The following PPP2R1B variants were observed in gnomAD, a reference collection of about 807,000 sequenced individuals.
PPP2R1B encodes the protein serine/threonine-protein phosphatase 2A 65 kDa regulatory subunit A beta isoform.
PPP2R1B carries 58 observed loss-of-function variants against 72.7 expected under a neutral mutation model. That is an observed-to-expected ratio of 0.80 (90% CI 0.65 to 0.99). PPP2R1B has a LOEUF of 0.99. PPP2R1B is among the 50% of genes least tolerant of loss of function. The probability of loss-of-function intolerance (pLI) is 0.00; values close to 1 mark genes in which losing one functional copy is unlikely to be tolerated. For synonymous variants in PPP2R1B, 256 were observed against 264.6 expected, an observed-to-expected ratio of 0.97 and a Z score of 0.32; for missense variants, 695 against 733.6, an observed-to-expected ratio of 0.95 and a Z score of 0.61.
At chr11:111,759,582 C>T (rs1423182660) in intron 5 of PPP2R1B, among the ~76,000 whole-genome samples, 4 of 152,144 alleles carry the variant, frequency 2.6e-5, no homozygotes, top group African/African-American at 4.8e-5. Flanking sequence ...CTCTGACTCC[C>T]CACTCTTTTA....
At chr11:111,744,731 T>G (rs1944644202) in intron 11 of PPP2R1B, among the ~76,000 whole-genome samples, 1 of 152,146 alleles carries the variant, frequency 6.6e-6, no homozygotes, top group Non-Finnish European at 1.5e-5. Flanking sequence ...TCCTAGGCAA[T>G]TTATACAAGC....
downstream of PPP2R1B, among the ~76,000 whole-genome samples, chr11:111,722,331 G>A (rs961354683): frequency 2.6e-5 from 4 of 152,248 alleles, no homozygotes; most frequent in South Asian, 2.1e-4. This position sits in a 1 kb window ranked among gnomAD's most constrained non-coding sequence, Gnocchi z 4.4. Context: ...CATAGATCCC[G>A]TAAAGGATGA....
In PPP2R1B at chr11:111,742,078, T is replaced by C; in HGVS notation, c.1764A>G (p.Lys588=). Residue 588 remains lysine (K), a synonymous_variant, in exon 14 of 15, where the codon AAA becomes AAG. Coordinates refer to ENST00000527614, the MANE Select transcript of PPP2R1B (RefSeq NM_002716.5). ...KLGQDEDMDV[K]YFAQEAISVL... ...CACTTATAGCTTCCTGTGCAAAGTA[T>C]TTGACATCCATGTCTTCATCTTGAC... 1 of 1,613,856 alleles carries C rather than the reference T, an allele frequency of 6.2e-7. No homozygotes were observed. Among genetic ancestry groups the C allele is most frequent in the Non-Finnish European group, 8.5e-7 (1 of 1,179,748 alleles).
Position 111,740,449 on chromosome 11 carries a change from A to C in PPP2R1B, c.*1147T>G. The C allele has an allele frequency of 1.0e-6, 1 of 979,434 alleles. No individual in the cohort carries two copies. Among genetic ancestry groups the C allele is most frequent in the Non-Finnish European group, 1.2e-6 (1 of 824,610 alleles). 60.7% of individuals were successfully genotyped at this position (979,434 alleles called of 1,614,324 possible). On this transcript the variant is annotated 3_prime_UTR_variant, in exon 15 of 15. Coordinates refer to ENST00000527614, the MANE Select transcript of PPP2R1B (RefSeq NM_002716.5). ...TGGTCAGGCTGATCTCGAATTCTTG[A>C]CCTCAAATGATCCCAAATAGGTGCT...
downstream of PPP2R1B, among the ~76,000 whole-genome samples, chr11:111,723,104 C>T (rs1943854410): frequency 6.6e-6 from 1 of 152,204 alleles, no homozygotes; most frequent in East Asian, 1.9e-4. Context: ...TGTGTGCCCA[C>T]AGCCTCGCTA....
intron 3 of PPP2R1B, among the ~76,000 whole-genome samples, chr11:111,763,353 T>C (rs1318680592): frequency 6.6e-6 from 1 of 152,320 alleles, no homozygotes; most frequent in East Asian, 1.9e-4. Flanking sequence ...CCACTGGGCA[T>C]ATGATAATCC....
intron 4 of PPP2R1B, among the ~76,000 whole-genome samples, chr11:111,760,227 T>C (rs1028511442): frequency 3.3e-5 from 5 of 152,178 alleles, no homozygotes; most frequent in South Asian, 4.1e-4. Context: ...CTGGGCAACA[T>C]AGCAAGACCC....
chr11:111,705,616 A>G, the PPP2R1B span, among the ~76,000 whole-genome samples: 1 of 152,158 alleles, frequency 6.6e-6, no homozygotes. This position sits in a 1 kb window ranked among gnomAD's most constrained non-coding sequence, Gnocchi z 4.3. Context: ...ACATCTGAAC[A>G]GGGGGAATGG....
chr11:111,720,654 A>G, the PPP2R1B span: 7 of 1,613,898 alleles, frequency 4.3e-6, no homozygotes, highest in South Asian at 5.5e-5. Context: ...CCTGAGACCT[A>G]CCAACCCAGC....
At position 111,741,434 on chromosome 11, in the gene PPP2R1B, C is replaced by G; in HGVS notation, c.*162G>C. 19 of 1,429,538 alleles carry G rather than the reference C, an allele frequency of 1.3e-5. No homozygotes were observed. Among genetic ancestry groups the G allele is most frequent in the Non-Finnish European group, 1.7e-5 (19 of 1,093,852 alleles). 88.6% of individuals were successfully genotyped at this position (1,429,538 alleles called of 1,614,324 possible). ...CGAGTAAAAAACAATCCCATTTCAT[C>G]TTTAGAAAGAATTAAGTCACTAAAT... On this transcript the variant is annotated 3_prime_UTR_variant, in exon 15 of 15. Coordinates refer to ENST00000527614, the MANE Select transcript of PPP2R1B (RefSeq NM_002716.5).
chr11:111,736,157 G>A (rs1944334172), downstream of PPP2R1B, among the ~76,000 whole-genome samples: 1 of 152,164 alleles, frequency 6.6e-6, no homozygotes, highest in Non-Finnish European at 1.5e-5. Context: ...TAGGGTGGGT[G>A]AGGATGACAT....
downstream of PPP2R1B, chr11:111,723,857 G>A (rs1483395886): frequency 2.5e-6 from 4 of 1,613,312 alleles, no homozygotes; most frequent in South Asian, 2.2e-5. Context: ...ACAGCCAGGA[G>A]CTGCCCCAGC....
the PPP2R1B span, chr11:111,703,486 C>CA: frequency 6.9e-7 from 1 of 1,441,524 alleles, no homozygotes; most frequent in Admixed American, 1.7e-5. Context: ...CATGCTCACA[C>CA]CTGTCATCCT....
At chr11:111,707,135 T>G in the PPP2R1B span, among the ~76,000 whole-genome samples, 1 of 152,100 alleles carries the variant, frequency 6.6e-6, no homozygotes, top group Non-Finnish European at 1.5e-5. Flanking sequence ...TAAGACGTAG[T>G]GGAACTCTTT....
rs781956692 is a variant in PPP2R1B, at chr11:111,752,317, A to C, written c.1180T>G (p.Leu394Val). The change falls in exon 10 of 15, where the codon TTG becomes GTG. Residue 394 changes from leucine (L) to valine (V), a missense_variant. By Grantham distance (32) the Leu-to-Val change is conservative (BLOSUM62 1). Transcript: ENST00000527614. ...QLKDECPDVR[L>V]NIISNLDCVN... is the part of the protein sequence containing the mutation. Reference sequence around the variant, plus strand: ...CAATCCAAATTGGAGATGATATTCAAACGAACGTCAGGACACTGCAAGTAC... The same window carrying C: ...CAATCCAAATTGGAGATGATATTCACACGAACGTCAGGACACTGCAAGTAC... 3 of 1,611,924 alleles carry C rather than the reference A, an allele frequency of 1.9e-6. No individual in the cohort carries two copies. Among genetic ancestry groups the C allele is most frequent in the Non-Finnish European group, 2.5e-6 (3 of 1,178,912 alleles).
exon 16 of PPP2R1B, chr11:111,727,051 C>T (rs1400559300): frequency 1.9e-6 from 3 of 1,613,924 alleles, no homozygotes; most frequent in Non-Finnish European, 2.5e-6. Context: ...AACTGATACA[C>T]TGGTCCCTGT....
At chr11:111,697,298 G>T in the PPP2R1B span, among the ~76,000 whole-genome samples, 1 of 152,146 alleles carries the variant, frequency 6.6e-6, no homozygotes, top group Non-Finnish European at 1.5e-5. Context: ...TTTAAGAGGT[G>T]GGAACAACAT....
chr11:111,766,027 G>C, intron 1 of PPP2R1B: 1 of 584,406 alleles, frequency 1.7e-6, no homozygotes, highest in Non-Finnish European at 3.1e-6. Flanking sequence ...CCGGGCGGAC[G>C]CCTCAGGGGG....
At chr11:111,712,499 T>C in the PPP2R1B span, 1 of 1,020,916 alleles carries the variant, frequency 9.8e-7, no homozygotes, top group Non-Finnish European at 1.4e-6. Context: ...GGAGTGATGC[T>C]TTTGTGGAGA....
Sources: gnomAD v4.1 joint callset for allele counts (sites outside exome capture counted in the v4.1 genomes callset) on GRCh38, gnomAD v4.1.1 for gene constraint, Gnocchi (gnomAD v3.1) non-coding constraint, MANE v1.5 for transcripts, NCBI Gene and HGNC (gene_info 2026-07-23, HGNC 2026-07-21) for gene names.